The following UNC79 variants were observed in gnomAD, a reference collection of about 807,000 sequenced individuals.
The protein encoded by UNC79 is protein unc-79 homolog.
In UNC79, 37 loss-of-function variants were observed where a neutral mutation model predicts 283.1. The observed-to-expected ratio is 0.13, with a 90% CI of 0.10 to 0.17. The LOEUF (loss-of-function observed/expected upper bound fraction) is 0.17. UNC79 is among the 10% of genes least tolerant of loss of function. The pLI, the probability that UNC79 is intolerant of heterozygous loss-of-function variation, is 1.00. For missense variants in UNC79, 2,272 were observed against 3,211.1 expected, an observed-to-expected ratio of 0.71 and a Z score of 7.07; for synonymous variants, 1,107 against 1,200.2, an observed-to-expected ratio of 0.92 and a Z score of 1.61.
In UNC79 at chr14:93,445,287, A is replaced by T. The variant is rs567284220; in HGVS notation, c.22+14236A>T. On this transcript the variant is annotated intron_variant, in intron 1 of 48. Transcript: ENST00000555664. ...TTTTACATCTGCCTTTCCAATCTGTATGCCTTTTATTTCTTTTTATTGCCT... is the reference window on the plus strand; with the variant it reads ...TTTTACATCTGCCTTTCCAATCTGTTTGCCTTTTATTTCTTTTTATTGCCT... Among the ~76,000 whole-genome samples, 20 of 152,302 alleles carry T rather than the reference A, an allele frequency of 1.3e-4. No individual in the cohort carries two copies. The South Asian group carries it at 3.9e-3, about 30-fold the overall frequency.
intron 38 of UNC79, 22 bp from the exon 42 acceptor site, chr14:93,659,170 CT>C (rs2071268426): frequency 3.2e-6 from 5 of 1,574,626 alleles, no homozygotes; most frequent in African/African-American, 1.4e-5. Context: ...CTAATTTTTA[CT>C]TTTTTTCATA....
intron 20 of UNC79, among the ~76,000 whole-genome samples, chr14:93,583,732 A>G (rs899862473): frequency 2.0e-5 from 3 of 151,904 alleles, no homozygotes; most frequent in Non-Finnish European, 4.4e-5. Context: ...AGGGCAAAAT[A>G]TAAAGACCCA....
intron 1 of UNC79, among the ~76,000 whole-genome samples, chr14:93,366,774 T>A (rs2054343682): frequency 6.6e-6 from 1 of 152,080 alleles, no homozygotes; most frequent in South Asian, 2.1e-4. Flanking sequence ...GGTTTCACCA[T>A]GTTGGCCAGG....
chr14:93,693,953 C>T (rs2074902061), intron 46 of UNC79, among the ~76,000 whole-genome samples: 1 of 151,912 alleles, frequency 6.6e-6, no homozygotes, highest in Admixed American at 6.6e-5. Flanking sequence ...CCCTGGGTAC[C>T]CTCCTCTCAA....
intron 1 of UNC79, among the ~76,000 whole-genome samples, chr14:93,378,889 T>C (rs2054612209): frequency 6.6e-6 from 1 of 152,172 alleles, no homozygotes; most frequent in African/African-American, 2.4e-5. Context: ...CTTAGATACA[T>C]GGTAGCACTA....
chr14:93,631,033 G>A (rs1007443195), intron 31 of UNC79, 125 bp downstream of exon 33: 1 of 862,280 alleles, frequency 1.2e-6, no homozygotes, highest in Non-Finnish European at 1.8e-6. Flanking sequence ...AGCTTCCTTG[G>A]TGATAGTATG....
intron 42 of UNC79, among the ~76,000 whole-genome samples, chr14:93,684,130 T>C (rs1461159116): frequency 6.6e-6 from 1 of 152,220 alleles, no homozygotes; most frequent in Non-Finnish European, 1.5e-5. Flanking sequence ...ACTCCGCTGC[T>C]CCGTAAATCT....
At chr14:93,563,871 A>G (rs1421044349) in intron 14 of UNC79, among the ~76,000 whole-genome samples, 4 of 152,192 alleles carry the variant, frequency 2.6e-5, no homozygotes, top group Admixed American at 6.5e-5. Flanking sequence ...TGAAGGAGCC[A>G]GGGAGCAGAA....
rs538311491 is a variant in UNC79, at chr14:93,665,691, C to T, written c.6636+2977C>T. 2.4e-4 allele frequency among the ~76,000 whole-genome samples: 36 copies of T among 151,168 alleles called. No individual in the cohort carries two copies. The South Asian group carries it at 7.5e-3, about 32-fold the overall frequency. ...AGACAGACAATACACTTCTCAACAG[C>T]ACAATAGAAGCCAGAAGATAATTGA... On this transcript the variant is annotated intron_variant, in intron 40 of 48. Transcript: ENST00000555664.
At chr14:93,654,801 G>A (rs761048155) in intron 37 of UNC79, among the ~76,000 whole-genome samples, 17 of 152,224 alleles carry the variant, frequency 1.1e-4, no homozygotes, top group Admixed American at 9.2e-4. Flanking sequence ...AGCTATGGGC[G>A]TTGGATCAAG....
In UNC79 at chr14:93,690,452, A is replaced by G; in HGVS notation, c.7272+149A>G. ...AAACACAACTTTGTGCTAATGTCTTATTTAAAGTTGTTTAGATTCCCAGAC... is the reference window on the plus strand; with the variant it reads ...AAACACAACTTTGTGCTAATGTCTTGTTTAAAGTTGTTTAGATTCCCAGAC... On this transcript the variant is annotated intron_variant, in intron 45 of 48. Coordinates refer to ENST00000555664, the Ensembl canonical transcript of UNC79. The surrounding 1 kb of genome is among the most constrained non-coding windows in gnomAD (Gnocchi z 4.3). 1 of 885,228 alleles carries G rather than the reference A, an allele frequency of 1.1e-6. No individual in the cohort carries two copies. The highest frequency in any genetic ancestry group is 1.6e-6 in the Non-Finnish European group (1 of 620,464). The allele number at this position is 885,228 out of a possible 1,614,324, so 54.8% of individuals were successfully genotyped here.
chr14:93,665,990 A>C (rs1392664878), intron 40 of UNC79, among the ~76,000 whole-genome samples: 1 of 152,062 alleles, frequency 6.6e-6, no homozygotes, highest in Admixed American at 6.6e-5. Flanking sequence ...TAATAATAAT[A>C]ATGTTAGTCA....
At position 93,691,504 on chromosome 14, in the gene UNC79, A is replaced by C. The variant is rs907176256; in HGVS notation, c.7273-245A>C. ...GGCAAGGGGGTGGGTAGATTTCTTC[A>C]GCAAATTAAGGTGCCTTCTCTTAAA... On this transcript the variant is annotated intron_variant, in intron 45 of 48. Coordinates refer to ENST00000555664, the Ensembl canonical transcript of UNC79. 10 of 574,968 alleles carry C rather than the reference A, an allele frequency of 1.7e-5. No individual in the cohort carries two copies. The African/African-American group carries it at 1.9e-4, about 11-fold the overall frequency. 35.6% of individuals were successfully genotyped at this position (574,968 alleles called of 1,614,324 possible).
chr14:93,592,214 G>A (rs1234468499), intron 22 of UNC79, among the ~76,000 whole-genome samples: 35 of 124,772 alleles, frequency 2.8e-4, no homozygotes, highest in Non-Finnish European at 1.4e-4. Flanking sequence ...TCGCTCTGTC[G>A]CCCAGGCTGG....
At chr14:93,353,084 C>T (rs993458482) in intron 1 of UNC79, among the ~76,000 whole-genome samples, 3 of 152,218 alleles carry the variant, frequency 2.0e-5, no homozygotes, top group Admixed American at 6.5e-5. Context: ...TTCCACTGTT[C>T]CCACCACACC....
At chr14:93,356,960 GTAA>G (rs1318270931) in intron 1 of UNC79, among the ~76,000 whole-genome samples, 1 of 152,142 alleles carries the variant, frequency 6.6e-6, no homozygotes, top group Non-Finnish European at 1.5e-5. Context: ...TGTCACCCAG[GTAA>G]TAAGCATAGT....
intron 11 of UNC79, among the ~76,000 whole-genome samples, chr14:93,536,764 C>T (rs1160357797): frequency 7.2e-6 from 1 of 137,994 alleles, no homozygotes; most frequent in Non-Finnish European, 1.6e-5. Flanking sequence ...TTAGAAGGCA[C>T]CCCCCACCCA....
intron 4 of UNC79, among the ~76,000 whole-genome samples, chr14:93,479,085 A>G (rs1249869880): frequency 2.0e-5 from 3 of 152,194 alleles, no homozygotes; most frequent in Non-Finnish European, 4.4e-5. Context: ...TTAGAATTGC[A>G]TAGTCATATC....
chr14:93,435,184 G>A (rs933026132), intron 1 of UNC79, among the ~76,000 whole-genome samples: 1 of 152,136 alleles, frequency 6.6e-6, no homozygotes, highest in African/African-American at 2.4e-5. Flanking sequence ...TCTTATAGAG[G>A]AAACTCTATT....
Sources: allele counts gnomAD v4.1 joint callset (sites outside exome capture counted in the v4.1 genomes callset), GRCh38; gene constraint gnomAD v4.1.1; non-coding constraint Gnocchi (gnomAD v3.1); transcripts MANE v1.5; gene names NCBI Gene and HGNC (gene_info 2026-07-23, HGNC 2026-07-21).